PRKCB: variants seen among roughly 807,000 people sequenced by gnomAD.
PRKCB encodes the protein protein kinase C beta.
A neutral mutation model predicts 81.5 loss-of-function variants in PRKCB; 13 were observed. That is an observed-to-expected ratio of 0.16 (90% CI 0.10 to 0.25). The LOEUF is 0.25. Among genes scored for constraint, PRKCB ranks in the 10% least tolerant of loss-of-function variants. PRKCB has a pLI of 1.00. For synonymous variants in PRKCB, 335 were observed against 321.4 expected, an observed-to-expected ratio of 1.04 and a Z score of -0.45; for missense variants, 509 against 875.7, an observed-to-expected ratio of 0.58 and a Z score of 5.29.
intron 12 of PRKCB, among the ~76,000 whole-genome samples, chr16:24,177,033 G>T (rs761308617): frequency 2.6e-5 from 4 of 152,196 alleles, no homozygotes; most frequent in Admixed American, 1.3e-4. Flanking sequence ...CAACTTGGGT[G>T]CTGACATTAG....
chr16:23,839,793 C>A (rs916678), intron 2 of PRKCB, among the ~76,000 whole-genome samples: 30,989 of 152,116 alleles, frequency 0.2, 3,258 homozygotes, highest in South Asian at 0.31. Context: ...GGCTGAGCAG[C>A]TCCAACTCAT....
chr16:24,000,370 AATGTGGCAGTTT>A (rs1965015886), intron 3 of PRKCB, among the ~76,000 whole-genome samples: 1 of 152,214 alleles, frequency 6.6e-6, no homozygotes, highest in South Asian at 2.1e-4. Flanking sequence ...ATAAGTGGTT[AATGTGGCAGTTT>A]ATTGATCACG....
At chr16:24,042,148 T>A (rs1193461976) in intron 5 of PRKCB, among the ~76,000 whole-genome samples, 1 of 152,174 alleles carries the variant, frequency 6.6e-6, no homozygotes, top group Non-Finnish European at 1.5e-5. Context: ...TGGGGGTTTG[T>A]GTAATATTGC....
chr16:24,113,936 G>C lies in PRKCB; in HGVS notation c.918+867G>C, dbSNP rs1966707882. Among the ~76,000 whole-genome samples, 5 of 152,052 alleles carry C rather than the reference G, an allele frequency of 3.3e-5. No homozygotes were observed. The South Asian group carries it at 1.0e-3, about 32-fold the overall frequency. ...GGTGAATGAAAGAAGTAGACAGAGGGCCGGGTGCGGTGGCTCACACCTGTA... is the reference window on the plus strand; with the variant it reads ...GGTGAATGAAAGAAGTAGACAGAGGCCCGGGTGCGGTGGCTCACACCTGTA... On this transcript the variant is annotated intron_variant, in intron 8 of 16. Transcript: ENST00000643927.
Position 24,215,952 on chromosome 16 carries a change from T to G in PRKCB, c.*1136T>G. The G allele has an allele frequency of 1.0e-6, 1 of 984,698 alleles. No homozygotes were observed. Among genetic ancestry groups the G allele is most frequent in the Non-Finnish European group, 1.2e-6 (1 of 829,754 alleles). The allele number at this position is 984,698 out of a possible 1,614,324, so 61.0% of individuals were successfully genotyped here. A position where few individuals can be genotyped will look rare whatever the true frequency, so the allele number is the denominator to read the frequency against. On this transcript the variant is annotated 3_prime_UTR_variant, in exon 17 of 17. Transcript: ENST00000643927. Reference sequence around the variant, plus strand: ...TGTTCATTTGTATCTGGATCTCTGTTATGTGCCATTTTTCTTCTAGCATCG... The same window carrying G: ...TGTTCATTTGTATCTGGATCTCTGTGATGTGCCATTTTTCTTCTAGCATCG...
intron 7 of PRKCB, among the ~76,000 whole-genome samples, chr16:24,108,396 A>G (rs1483295095): frequency 1.4e-5 from 2 of 139,696 alleles, no homozygotes; most frequent in Non-Finnish European, 3.1e-5. Context: ...GGTGTTTCTC[A>G]CAGAGGGGGA....
intron 5 of PRKCB, among the ~76,000 whole-genome samples, chr16:24,062,485 C>T (rs62027366): frequency 0.22 from 33,227 of 152,200 alleles, 4,160 homozygotes; most frequent in South Asian, 0.41. Flanking sequence ...AATGGAGAAA[C>T]GAATTGTTGT....
intron 2 of PRKCB, among the ~76,000 whole-genome samples, chr16:23,844,751 C>T (rs558018990): frequency 5.9e-5 from 9 of 151,336 alleles, no homozygotes; most frequent in African/African-American, 1.9e-4. Flanking sequence ...TTGTGATCCT[C>T]CTGCCTCGGT....
intron 3 of PRKCB, among the ~76,000 whole-genome samples, chr16:23,994,784 G>C (rs774112463): frequency 4.6e-5 from 7 of 152,138 alleles, no homozygotes; most frequent in Non-Finnish European, 1.0e-4. Flanking sequence ...CTGTCCATAA[G>C]ACCCACCAGA....
intron 3 of PRKCB, among the ~76,000 whole-genome samples, chr16:24,010,024 A>G (rs1425688684): frequency 1.3e-5 from 2 of 152,166 alleles, no homozygotes; most frequent in African/African-American, 4.8e-5. Context: ...AAAAAACAGA[A>G]TTATAGAGTA....
rs772297307 is a variant in PRKCB at position 23,918,401 on chromosome 16, ATTT to A, written c.206-70096_206-70094del. Among the ~76,000 whole-genome samples the A allele has an allele frequency of 3.8e-3, 573 of 150,810 alleles. 1 individual carries two copies. The highest frequency in any genetic ancestry group is 6.8e-3 in the Non-Finnish European group (459 of 67,462). On this transcript the variant is annotated intron_variant, in intron 2 of 16. Transcript: ENST00000643927. ...CCTTTTTATTATTATTATTATTATTATTTTTTTTTTTTTGAAATAGAGTTTCAC... is the reference window on the plus strand; with the variant it reads ...CCTTTTTATTATTATTATTATTATTATTTTTTTTTTGAAATAGAGTTTCAC...
At chr16:23,939,605 GA>G (rs1428602648) in intron 2 of PRKCB, among the ~76,000 whole-genome samples, 1 of 152,168 alleles carries the variant, frequency 6.6e-6, no homozygotes, top group African/African-American at 2.4e-5. Context: ...GTTCAATGGA[GA>G]AATGAATTTT....
intron 3 of PRKCB, among the ~76,000 whole-genome samples, chr16:24,017,544 AAAAAG>A (rs1965295158): frequency 6.6e-6 from 1 of 152,188 alleles, no homozygotes; most frequent in Non-Finnish European, 1.5e-5. Context: ...TATACGTTGA[AAAAAG>A]AACATCGACA....
chr16:24,162,148 A>T (rs932188005), intron 10 of PRKCB, among the ~76,000 whole-genome samples: 1 of 152,064 alleles, frequency 6.6e-6, no homozygotes. Flanking sequence ...GCTGGGAGGA[A>T]CGTCAATTCA....
At chr16:24,143,998 A>G (rs551415741) in intron 9 of PRKCB, among the ~76,000 whole-genome samples, 7 of 152,326 alleles carry the variant, frequency 4.6e-5, no homozygotes, top group Non-Finnish European at 8.8e-5. Flanking sequence ...CATTTCTCTT[A>G]GACCTAAGTT....
intron 3 of PRKCB, among the ~76,000 whole-genome samples, chr16:24,002,193 C>A (rs1401281567): frequency 3.3e-5 from 5 of 152,070 alleles, no homozygotes; most frequent in Admixed American, 1.3e-4. Context: ...GGCAGGCTGT[C>A]GATCTGGGCA....
At chr16:24,198,757 A>G (rs1317111156) in intron 16 of PRKCB, among the ~76,000 whole-genome samples, 1 of 152,224 alleles carries the variant, frequency 6.6e-6, no homozygotes, top group Non-Finnish European at 1.5e-5. Flanking sequence ...AATATGGTCA[A>G]CCAGATTGTC....
intron 2 of PRKCB, among the ~76,000 whole-genome samples, chr16:23,876,229 G>T (rs1185818733): frequency 6.6e-6 from 1 of 152,202 alleles, no homozygotes; most frequent in African/African-American, 2.4e-5. Context: ...TACCAGGGAA[G>T]CCAGATATGG....
intron 2 of PRKCB, among the ~76,000 whole-genome samples, chr16:23,915,689 C>CAAAAAAAAAAAAAAAAAAAAAAAA: frequency 1.8e-5 from 1 of 54,548 alleles, no homozygotes; most frequent in African/African-American, 7.6e-5. Context: ...GACTCTCTAT[C>CAAAAAAAAAAAAAAAAAAAAAAAA]AAAAAAAAAA....
Sources: gnomAD v4.1 joint callset for allele counts (sites outside exome capture counted in the v4.1 genomes callset) on GRCh38, gnomAD v4.1.1 for gene constraint, MANE v1.5 for transcripts, NCBI Gene and HGNC (gene_info 2026-07-23, HGNC 2026-07-21) for gene names.